CLCA2: variants seen among roughly 807,000 people sequenced by gnomAD.
CLCA2 encodes calcium-activated chloride channel regulator 2.
Under a neutral mutation model 82.9 loss-of-function variants are expected in CLCA2, and 85 were observed. The observed-to-expected ratio is 1.03, with a 90% CI of 0.86 to 1.23. The LOEUF is 1.23. CLCA2 is among the 50% of genes most tolerant of loss of function. CLCA2 has a pLI of 0.00. For missense variants in CLCA2, 1,089 were observed against 1,124.8 expected (o/e 0.97, Z 0.45); for synonymous variants, 421 against 391.7 (o/e 1.07, Z -0.88).
intron 3 of CLCA2, among the ~76,000 whole-genome samples, chr1:86,430,637 A>G (rs1662476954): frequency 6.6e-6 from 1 of 152,206 alleles, no homozygotes; most frequent in Non-Finnish European, 1.5e-5. Context: ...TGCATTTACA[A>G]GACCAAACAT....
At chr1:86,449,534 C>CA (rs1558118572) in intron 11 of CLCA2, among the ~76,000 whole-genome samples, 1 of 152,114 alleles carries the variant, frequency 6.6e-6, no homozygotes, top group African/African-American at 2.4e-5. Flanking sequence ...TTACAACAGA[C>CA]AAAAAAGAGT....
At chr1:86,451,636 C>G (rs1170844663) in intron 12 of CLCA2, among the ~76,000 whole-genome samples, 12 of 152,084 alleles carry the variant, frequency 7.9e-5, no homozygotes, top group Non-Finnish European at 1.6e-4. Flanking sequence ...TCCTTTTCTA[C>G]CAGGCCTCTA....
intron 10 of CLCA2, among the ~76,000 whole-genome samples, chr1:86,445,709 TA>T (rs139471707): frequency 0.16 from 24,206 of 152,044 alleles, 2,162 homozygotes; most frequent in African/African-American, 0.2. Flanking sequence ...ATAATATTAA[TA>T]GTACAGAGCA....
intron 7 of CLCA2, 110 bp from the exon 8 acceptor site, chr1:86,440,038 G>T: frequency 9.8e-7 from 1 of 1,024,920 alleles, no homozygotes; most frequent in South Asian, 1.5e-5. Flanking sequence ...AGTGGAGATG[G>T]GCGTGGGGTG....
chr1:86,444,032 C>T, intron 10 of CLCA2, 21 bp downstream of exon 10: 1 of 1,494,374 alleles, frequency 6.7e-7, no homozygotes, highest in Non-Finnish European at 9.3e-7. Context: ...TGAGTTTGTT[C>T]CTAAGGACAA....
intron 10 of CLCA2, 31 bp downstream of exon 10, chr1:86,444,042 A>G: frequency 7.2e-7 from 1 of 1,388,230 alleles, no homozygotes; most frequent in Non-Finnish European, 1.0e-6. Context: ...CCTAAGGACA[A>G]CGTTCAACCA....
At chr1:86,440,515 A>G (rs1662707286) in intron 8 of CLCA2, among the ~76,000 whole-genome samples, 190 bp downstream of exon 8, 1 of 152,152 alleles carries the variant, frequency 6.6e-6, no homozygotes, top group South Asian at 2.1e-4. Flanking sequence ...TAAAGGTTCC[A>G]ACTATATACA....
chr1:86,451,414 T>A (rs1662965543), intron 12 of CLCA2, among the ~76,000 whole-genome samples: 2 of 152,224 alleles, frequency 1.3e-5, no homozygotes, highest in Admixed American at 1.3e-4. Flanking sequence ...ATATTATTCA[T>A]GTATTTTAGA....
Position 86,450,685 on chromosome 1 carries a change from T to C in CLCA2, c.2107T>C (p.Ser703Pro). ...HSPSISTPAH[S>P]IPGSHAMYVP... ...TCCCAGCATAAGCACCCCAGCCCAC[T>C]CTATTCCAGGGAGTCATGCTATGTA... Residue 703 changes from serine (S) to proline (P), a missense_variant, in exon 12 of 14, where the codon TCT (serine) becomes CCT (proline). Ser to Pro is a moderately conservative substitution (Grantham distance 74). Coordinates refer to ENST00000370565, the MANE Select transcript of CLCA2 (RefSeq NM_006536.7). The C allele has an allele frequency of 6.2e-7, 1 of 1,613,032 alleles. No individual in the cohort carries two copies. Among genetic ancestry groups the C allele is most frequent in the South Asian group, 1.1e-5 (1 of 90,812 alleles).
rs758402991 is a variant in CLCA2 at position 86,434,744 on chromosome 1, A to T, written c.971A>T (p.Glu324Val). The change falls in exon 6 of 14, where the codon GAG becomes GTG. Residue 324 changes from glutamate (E) to valine (V), a missense_variant and splice_region_variant. Glu to Val is a moderately radical substitution (Grantham distance 121). Transcript: ENST00000370565. ...LVLDVSSKMA[E>V]ADRLLQLQQA... ...CTGGATGTGTCCAGCAAGATGGCAG[A>T]GGTAACATTTTGAACGAAAATGAAT... is the stretch of plus-strand genomic sequence containing the variant. 6.2e-7 allele frequency: 1 copy of T among 1,604,378 alleles called. No homozygotes were observed. Among genetic ancestry groups the T allele is most frequent in the Non-Finnish European group, 8.5e-7 (1 of 1,171,618 alleles).
chr1:86,440,449 C>A, intron 8 of CLCA2, 124 bp downstream of exon 8: 1 of 898,112 alleles, frequency 1.1e-6, no homozygotes, highest in Non-Finnish European at 1.6e-6. Context: ...AAAAAACGCA[C>A]ACACATATTG....
chr1:86,438,506 A>G (rs1463131626), intron 6 of CLCA2, among the ~76,000 whole-genome samples: 1 of 152,156 alleles, frequency 6.6e-6, no homozygotes, highest in Non-Finnish European at 1.5e-5. Context: ...GTCTCTTTGC[A>G]ATGTTTTCTT....
rs1336387995 is a variant in CLCA2, at chr1:86,453,536, G to T, written c.2323G>T (p.Val775Leu). 6.2e-7 allele frequency: 1 copy of T among 1,614,190 alleles called. No individual in the cohort carries two copies. The highest frequency in any genetic ancestry group is 1.7e-5 in the Admixed American group (1 of 60,026). Residue 775 changes from valine to leucine, a missense_variant, in exon 13 of 14, where the codon GTA becomes TTA. Coordinates refer to ENST00000370565, the MANE Select transcript of CLCA2 (RefSeq NM_006536.7). ...ATGCAAAATTATTGACCTGGAAGCT[G>T]TAAAAGTAGAAGAGGAATTGACCCT... Reference protein sequence around the residue: ...PPCKIIDLEAVKVEEELTLSW... With the variant: ...PPCKIIDLEALKVEEELTLSW...
intron 12 of CLCA2, among the ~76,000 whole-genome samples, chr1:86,452,905 T>C (rs1170323114): frequency 6.6e-6 from 1 of 152,226 alleles, no homozygotes; most frequent in Non-Finnish European, 1.5e-5. Context: ...CCGGGCACAG[T>C]GGCTCACTCC....
At chr1:86,431,738 T>C (rs1416433460) in intron 4 of CLCA2, among the ~76,000 whole-genome samples, 2 of 152,222 alleles carry the variant, frequency 1.3e-5, no homozygotes, top group African/African-American at 4.8e-5. Flanking sequence ...TTGCCACTCA[T>C]GTCCTTCCTT....
intron 10 of CLCA2, among the ~76,000 whole-genome samples, chr1:86,446,913 CA>C (rs1662865421): frequency 6.6e-6 from 1 of 152,122 alleles, no homozygotes; most frequent in Non-Finnish European, 1.5e-5. Context: ...ATAAATTACC[CA>C]AATTAGATAT....
chr1:86,424,229 C>A lies in CLCA2; in HGVS notation c.-19C>A. The A allele has an allele frequency of 6.2e-7, 1 of 1,603,740 alleles. No individual in the cohort carries two copies. Among genetic ancestry groups the A allele is most frequent in the Non-Finnish European group, 8.5e-7 (1 of 1,176,124 alleles). On this transcript the variant is annotated 5_prime_UTR_variant, in exon 1 of 14. The change creates a new upstream start codon in the 5' untranslated region. Transcript: ENST00000370565. ...ATGCAGCAGGCTCAGTGTGAGTGAACTGGAGGCTTCTCTACAACATGACCC... is the reference window on the plus strand; with the variant it reads ...ATGCAGCAGGCTCAGTGTGAGTGAAATGGAGGCTTCTCTACAACATGACCC...
Position 86,455,349 on chromosome 1 carries a change from C to G in CLCA2, c.2654C>G (p.Pro885Arg). ...QSAVSNIAQA[P>R]LFIPPNSDPV... ...GCTGTATCTAACATTGCCCAGGCGC[C>G]TCTGTTTATTCCCCCCAATTCTGAT... Residue 885 changes from proline (P) to arginine (R), a missense_variant, in exon 14 of 14, where the codon CCT (proline) becomes CGT (arginine). By Grantham distance (103) the Pro-to-Arg change is moderately radical. Coordinates refer to ENST00000370565, the MANE Select transcript of CLCA2 (RefSeq NM_006536.7). The G allele has an allele frequency of 2.5e-6, 4 of 1,612,382 alleles. No individual in the cohort carries two copies. The highest frequency in any genetic ancestry group is 3.4e-6 in the Non-Finnish European group (4 of 1,179,398).
chr1:86,432,372 T>TG lies in CLCA2; in HGVS notation c.588_589insG (p.Ser197ValfsTer3). ...CAGTTTCTCTTTCCATTTTTAGGTG[T>TG]TCATCTGACATCACAGGCATTTTTG... On this transcript the variant is annotated frameshift_variant, in exon 5 of 14. Transcript: ENST00000370565. LOFTEE classifies it high-confidence loss of function. The TG allele has an allele frequency of 6.2e-7, 1 of 1,613,496 alleles. No individual in the cohort carries two copies. Among genetic ancestry groups the TG allele is most frequent in the Non-Finnish European group, 8.5e-7 (1 of 1,179,868 alleles).
Sources: gnomAD v4.1 joint callset for allele counts (sites outside exome capture counted in the v4.1 genomes callset) on GRCh38, gnomAD v4.1.1 for gene constraint, MANE v1.5 for transcripts, NCBI Gene and HGNC (gene_info 2026-07-23, HGNC 2026-07-21) for gene names.